Variants in NFIB observed in about 807,000 individuals in gnomAD.
The protein encoded by NFIB is nuclear factor I B.
Under a neutral mutation model 61.5 loss-of-function variants are expected in NFIB, and 11 were observed. The ratio of observed to expected loss-of-function variants is 0.18; its 90% confidence interval spans 0.11 to 0.30. The LOEUF (loss-of-function observed/expected upper bound fraction) is 0.30, where lower values mean the gene tolerates loss of function less well. Among genes scored for constraint, NFIB ranks in the 10% least tolerant of loss-of-function variants. The probability of loss-of-function intolerance (pLI) is 1.00; values close to 1 mark genes in which losing one functional copy is unlikely to be tolerated. For missense variants in NFIB, 471 were observed against 608.9 expected (o/e 0.77, Z 2.38); for synonymous variants, 260 against 216.5 (o/e 1.20, Z -1.76).
intron 1 of NFIB, among the ~76,000 whole-genome samples, chr9:14,342,462 G>A (rs2060963928): frequency 6.6e-6 from 1 of 151,648 alleles, no homozygotes; most frequent in South Asian, 2.1e-4. Flanking sequence ...GAGGCAGGGA[G>A]GAGGGAAGGG....
At chr9:14,468,644 C>T in the NFIB span, among the ~76,000 whole-genome samples, 6 of 152,254 alleles carry the variant, frequency 3.9e-5, no homozygotes, top group East Asian at 7.7e-4. Context: ...ATTCTCCACT[C>T]GAATAAGATG....
chr9:14,332,916 C>G (rs558573870), intron 1 of NFIB, among the ~76,000 whole-genome samples: 12 of 152,216 alleles, frequency 7.9e-5, no homozygotes, highest in African/African-American at 2.6e-4. Flanking sequence ...GAAGGGTGGT[C>G]TGATAATTCT....
At chr9:14,145,745 G>A (rs1447839336) in intron 6 of NFIB, among the ~76,000 whole-genome samples, 1 of 150,630 alleles carries the variant, frequency 6.6e-6, no homozygotes, top group Admixed American at 6.6e-5. Flanking sequence ...CTGCTTCCCA[G>A]GCTCAACTGA....
the NFIB span, among the ~76,000 whole-genome samples, chr9:14,411,128 G>A: frequency 6.6e-6 from 1 of 152,172 alleles, no homozygotes; most frequent in Non-Finnish European, 1.5e-5. Context: ...ATATTAAGAT[G>A]TTATTTCATT....
chr9:14,174,515 C>T (rs1398383843), intron 3 of NFIB, among the ~76,000 whole-genome samples: 1 of 152,020 alleles, frequency 6.6e-6, no homozygotes, highest in African/African-American at 2.4e-5. Context: ...TGCCTGTAAT[C>T]CCAGCACTTT....
At chr9:14,465,664 T>G in the NFIB span, among the ~76,000 whole-genome samples, 2 of 151,366 alleles carry the variant, frequency 1.3e-5, no homozygotes, top group Admixed American at 1.3e-4. Context: ...GAATCACCAC[T>G]CGAGGGAGCC....
At chr9:14,124,010 T>C (rs1195462500) in intron 7 of NFIB, among the ~76,000 whole-genome samples, 1 of 152,134 alleles carries the variant, frequency 6.6e-6, no homozygotes, top group East Asian at 1.9e-4. Flanking sequence ...ATGTTCAGAT[T>C]AGATGCCCAG....
At chr9:14,520,163 A>T in the NFIB span, among the ~76,000 whole-genome samples, 4 of 152,128 alleles carry the variant, frequency 2.6e-5, no homozygotes, top group African/African-American at 9.7e-5. Flanking sequence ...GAAAAAAATA[A>T]CTCTTTAGGA....
chr9:14,137,290 T>C (rs2041168104), intron 6 of NFIB, among the ~76,000 whole-genome samples: 3 of 152,208 alleles, frequency 2.0e-5, no homozygotes, highest in African/African-American at 7.2e-5. Flanking sequence ...GGACAGGACA[T>C]GCATTTGTGA....
chr9:14,304,272 G>A (rs1455145454), intron 2 of NFIB, among the ~76,000 whole-genome samples: 3 of 152,004 alleles, frequency 2.0e-5, no homozygotes, highest in African/African-American at 7.3e-5. Context: ...AGAGAAAGAG[G>A]GAAAAAAGAA....
chr9:14,207,448 T>C (rs1272189792), intron 2 of NFIB, among the ~76,000 whole-genome samples: 1 of 152,176 alleles, frequency 6.6e-6, no homozygotes, highest in East Asian at 1.9e-4. Context: ...TGGTAATGTG[T>C]ACAAACTGGG....
the NFIB span, among the ~76,000 whole-genome samples, chr9:14,481,197 G>GTATATATA: frequency 6.9e-3 from 318 of 45,768 alleles, 26 homozygotes; most frequent in East Asian, 0.02. Context: ...GTGTGTGTGT[G>GTATATATA]TATATATATA....
intron 2 of NFIB, among the ~76,000 whole-genome samples, chr9:14,181,452 T>C (rs1414797713): frequency 2.0e-5 from 3 of 152,198 alleles, no homozygotes; most frequent in African/African-American, 7.2e-5. Context: ...CATGAAGTCC[T>C]CTTATTACTT....
intron 10 of NFIB, among the ~76,000 whole-genome samples, chr9:14,093,099 G>A (rs1587091748): frequency 6.6e-6 from 1 of 152,110 alleles, no homozygotes; most frequent in East Asian, 1.9e-4. Flanking sequence ...AAACATGTAT[G>A]AAGCCATTAC....
At chr9:14,353,804 G>A (rs1404186885) in intron 1 of NFIB, among the ~76,000 whole-genome samples, 2 of 150,920 alleles carry the variant, frequency 1.3e-5, no homozygotes, top group Non-Finnish European at 2.9e-5. Context: ...TGCTTTGTCC[G>A]TTCTAGAGTC....
chr9:14,441,762 T>C, the NFIB span, among the ~76,000 whole-genome samples: 1 of 152,120 alleles, frequency 6.6e-6, no homozygotes, highest in African/African-American at 2.4e-5. Context: ...TGTCTGCCTA[T>C]GGAATAAGCA....
chr9:14,354,192 T>A (rs1474566968), intron 1 of NFIB, among the ~76,000 whole-genome samples: 3 of 152,190 alleles, frequency 2.0e-5, no homozygotes, highest in Non-Finnish European at 4.4e-5. Flanking sequence ...TGTTTCAGCA[T>A]CATGAGTTCC....
chr9:14,240,727 C>A (rs1177272109), intron 2 of NFIB, among the ~76,000 whole-genome samples: 1 of 152,202 alleles, frequency 6.6e-6, no homozygotes, highest in South Asian at 2.1e-4. Context: ...CGTTGTACTT[C>A]TGCCAGAAAG....
chr9:14,147,257 G>A lies in NFIB; in HGVS notation c.807-450C>T, dbSNP rs1470463655. Among the ~76,000 whole-genome samples the A allele has an allele frequency of 2.6e-5, 4 of 152,094 alleles. No homozygotes were observed. The South Asian group carries it at 8.3e-4, about 32-fold the overall frequency. On this transcript the variant is annotated intron_variant, in intron 5 of 10. Transcript: ENST00000380953. ...AAACAAGAGCTTTGGGGTCAAGACA[G>A]TCCTAGTATAAAATCTTGAGTAGGC...
Sources: gnomAD v4.1 joint callset for allele counts (sites outside exome capture counted in the v4.1 genomes callset) on GRCh38, gnomAD v4.1.1 for gene constraint, MANE v1.5 for transcripts, NCBI Gene and HGNC (gene_info 2026-07-23, HGNC 2026-07-21) for gene names.